The following PCDHGB2 variants were observed in gnomAD, a reference collection of about 807,000 sequenced individuals.
The protein encoded by PCDHGB2 is protocadherin gamma subfamily B, 2.
A neutral mutation model predicts 59.3 loss-of-function variants in PCDHGB2; 55 were observed. The observed-to-expected ratio is 0.93, with a 90% CI of 0.75 to 1.16. The LOEUF is 1.16. PCDHGB2 is among the 50% of genes most tolerant of loss of function. PCDHGB2 has a pLI of 0.00. For missense variants in PCDHGB2, 1,228 were observed against 1,198.5 expected (o/e 1.02, Z -0.36); for synonymous variants, 516 against 512.0 (o/e 1.01, Z -0.11).
At position 141,463,977 on chromosome 5, in the gene PCDHGB2, T is replaced by C. The variant is rs948698340; in HGVS notation, c.2422-30830T>C. On this transcript the variant is annotated intron_variant, in intron 1 of 3. Coordinates refer to ENST00000522605, the MANE Select transcript of PCDHGB2 (RefSeq NM_018923.3). ...TTTAAAATAGCTTCATAAAACTCCA[T>C]TGTAAAAACCAGGTGCAGTGGCTCA... Among the ~76,000 whole-genome samples the C allele has an allele frequency of 2.6e-5, 4 of 152,258 alleles. 1 individual carries two copies. The highest frequency in any genetic ancestry group is 4.4e-5 in the Non-Finnish European group (3 of 68,004).
At position 141,432,782 on chromosome 5, in the gene PCDHGB2, C is replaced by G. The variant is rs547164205; in HGVS notation, c.2422-62025C>G. On this transcript the variant is annotated intron_variant, in intron 1 of 3. Transcript: ENST00000522605. The surrounding 1 kb of genome is among the most constrained non-coding windows in gnomAD (Gnocchi z 6.0). ...CAGCATCCCCCAAGTCCTGGCGGACCTCGGCAGCCTCGAGTCTCCAGCTAA... is the reference window on the plus strand; with the variant it reads ...CAGCATCCCCCAAGTCCTGGCGGACGTCGGCAGCCTCGAGTCTCCAGCTAA... 4.3e-6 allele frequency: 7 copies of G among 1,614,046 alleles called. No individual in the cohort carries two copies. The highest frequency in any genetic ancestry group is 3.3e-4 in the Middle Eastern group (2 of 6,084).
chr5:141,493,808 C>T lies in PCDHGB2; in HGVS notation c.2422-999C>T, dbSNP rs2099750260. On this transcript the variant is annotated intron_variant, in intron 1 of 3. Transcript: ENST00000522605. The surrounding 1 kb of genome is among the most constrained non-coding windows in gnomAD (Gnocchi z 4.3). ...CTTCTCCCTGGAGTAATCTGAGATA[C>T]TCACACTCTCTGCTTCTGGGAGCAA... is the stretch of plus-strand genomic sequence containing the variant. 6.6e-6 allele frequency among the ~76,000 whole-genome samples: 1 copy of T among 152,200 alleles called. No individual in the cohort carries two copies. The highest frequency in any genetic ancestry group is 1.5e-5 in the Non-Finnish European group (1 of 68,042).
chr5:141,431,660 A>G lies in PCDHGB2; in HGVS notation c.2422-63147A>G. On this transcript the variant is annotated intron_variant, in intron 1 of 3. Transcript: ENST00000522605. This position sits in a 1 kb window ranked among gnomAD's most constrained non-coding sequence, Gnocchi z 4.8. ...CAAACTAGATTGTAATTCAGGGACA[A>G]TATCAACAATAGGGGAGTTGGACCA... 7 of 1,614,256 alleles carry G rather than the reference A, an allele frequency of 4.3e-6. No individual in the cohort carries two copies. The highest frequency in any genetic ancestry group is 5.1e-6 in the Non-Finnish European group (6 of 1,180,046).
chr5:141,374,979 G>A (rs777674539), intron 1 of PCDHGB2: 31 of 1,613,984 alleles, frequency 1.9e-5, no homozygotes, highest in Non-Finnish European at 2.5e-5. Flanking sequence ...GTTTTGACTG[G>A]AGAAATTTCA....
chr5:141,504,949 G>A (rs1234166109), intron 2 of PCDHGB2, among the ~76,000 whole-genome samples: 5 of 152,098 alleles, frequency 3.3e-5, no homozygotes, highest in Non-Finnish European at 1.5e-5. Context: ...AATGCACTAT[G>A]TTCAATGCAT....
intron 1 of PCDHGB2, among the ~76,000 whole-genome samples, chr5:141,368,092 A>G (rs1319696119): frequency 6.6e-6 from 1 of 152,216 alleles, no homozygotes; most frequent in South Asian, 2.1e-4. Context: ...TTTGCTGAAG[A>G]TGATTTTCAG....
intron 1 of PCDHGB2, chr5:141,413,232 G>A (rs374674787): frequency 1.1e-4 from 170 of 1,613,834 alleles, no homozygotes; most frequent in Non-Finnish European, 1.4e-4. Context: ...GGCTGGTCCT[G>A]CTCTGCCTTT....
intron 1 of PCDHGB2, chr5:141,414,391 T>TG (rs1367379916): frequency 6.2e-7 from 1 of 1,613,862 alleles, no homozygotes; most frequent in South Asian, 1.1e-5. Flanking sequence ...TGACAGTTAT[T>TG]ACAGATTGGT....
intron 1 of PCDHGB2, chr5:141,364,687 A>C: frequency 6.2e-7 from 1 of 1,614,004 alleles, no homozygotes; most frequent in Non-Finnish European, 8.5e-7. Flanking sequence ...TTTATGGAGT[A>C]GAAGTAGAAA....
At chr5:141,473,809 A>C (rs1230574978) in intron 1 of PCDHGB2, among the ~76,000 whole-genome samples, 2 of 152,242 alleles carry the variant, frequency 1.3e-5, no homozygotes, top group East Asian at 3.8e-4. Flanking sequence ...ACTGAGGAGC[A>C]GCTGGACAAT....
chr5:141,494,705 G>C, intron 1 of PCDHGB2, 102 bp from the exon 2 acceptor site: 1 of 1,597,990 alleles, frequency 6.3e-7, no homozygotes, highest in Non-Finnish European at 8.6e-7. Flanking sequence ...TTTCTTCTCT[G>C]TGCCCACTCC....
At chr5:141,407,889 G>T (rs1378600394) in intron 1 of PCDHGB2, 1 of 389,100 alleles carries the variant, frequency 2.6e-6, no homozygotes, top group Non-Finnish European at 4.6e-6. Context: ...TTCGGAGACC[G>T]AATTCAAAAT....
rs951185891 is a variant in PCDHGB2, at chr5:141,494,814, C to T, written c.2429C>T (p.Pro810Leu). 7 of 1,614,152 alleles carry T rather than the reference C, an allele frequency of 4.3e-6. No individual in the cohort carries two copies. The highest frequency in any genetic ancestry group is 1.7e-5 in the Admixed American group (1 of 60,024). Residue 810 changes from proline to leucine, a missense_variant, in exon 2 of 4, where the codon CCG becomes CTG. By Grantham distance (98) the Pro-to-Leu change is moderately conservative (BLOSUM62 -3). Transcript: ENST00000522605. The part of the protein sequence containing the change: ...FASDTILKQA[P>L]PNTDWRFSQA... ...CCTCTGTTTTCTCCACAGCAAGCCCCGCCCAACACGGACTGGCGTTTCTCT... is the reference window on the plus strand; with the variant it reads ...CCTCTGTTTTCTCCACAGCAAGCCCTGCCCAACACGGACTGGCGTTTCTCT...
At chr5:141,446,129 A>C (rs1488078150) in intron 1 of PCDHGB2, among the ~76,000 whole-genome samples, 1 of 152,204 alleles carries the variant, frequency 6.6e-6, no homozygotes, top group Non-Finnish European at 1.5e-5. Flanking sequence ...GTTCAATAAG[A>C]CTTAATAATG....
At chr5:141,386,930 G>A (rs555182145) in intron 1 of PCDHGB2, among the ~76,000 whole-genome samples, 29 of 152,300 alleles carry the variant, frequency 1.9e-4, no homozygotes, top group African/African-American at 6.0e-4. Flanking sequence ...AATAAGTGCA[G>A]AGGTAGGAAG....
chr5:141,449,498 A>G (rs1190732747), intron 1 of PCDHGB2, among the ~76,000 whole-genome samples: 7 of 150,506 alleles, frequency 4.7e-5, no homozygotes, highest in Non-Finnish European at 8.9e-5. Flanking sequence ...GTGAGGCATG[A>G]GAAATGCTTG....
At chr5:141,390,024 CG>C (rs1561629846) in intron 1 of PCDHGB2, 1 of 1,614,044 alleles carries the variant, frequency 6.2e-7, no homozygotes, top group African/African-American at 1.3e-5. Context: ...CTTGCGCCTG[CG>C]ACGCTCCTCC....
chr5:141,504,379 G>T (rs181617363), intron 2 of PCDHGB2, among the ~76,000 whole-genome samples: 1 of 152,088 alleles, frequency 6.6e-6, no homozygotes, highest in African/African-American at 2.4e-5. Context: ...AGGTGGAGTC[G>T]CTGCCTCACA....
In PCDHGB2 at chr5:141,477,531, C is replaced by T. The variant is rs1316982512; in HGVS notation, c.2422-17276C>T. 5 of 1,614,162 alleles carry T rather than the reference C, an allele frequency of 3.1e-6. No homozygotes were observed. Among genetic ancestry groups the T allele is most frequent in the Middle Eastern group, 1.6e-4 (1 of 6,062 alleles). On this transcript the variant is annotated intron_variant, in intron 1 of 3. Transcript: ENST00000522605. This position sits in a 1 kb window ranked among gnomAD's most constrained non-coding sequence, Gnocchi z 4.9. ...GTTTACATTGAAGAAAACAACCTCC[C>T]CGGGGCTCCAATACTAAACCTAAGT... is the stretch of plus-strand genomic sequence containing the variant.
Sources: gnomAD v4.1 joint callset for allele counts (sites outside exome capture counted in the v4.1 genomes callset) on GRCh38, gnomAD v4.1.1 for gene constraint, Gnocchi (gnomAD v3.1) non-coding constraint, MANE v1.5 for transcripts, NCBI Gene and HGNC (gene_info 2026-07-23, HGNC 2026-07-21) for gene names.